Variants in CUX2 observed in about 807,000 individuals in gnomAD.
CUX2 encodes homeobox protein cut-like 2.
Under a neutral mutation model 144.8 loss-of-function variants are expected in CUX2, and 40 were observed. The ratio of observed to expected loss-of-function variants is 0.28; its 90% CI spans 0.21 to 0.36. The LOEUF (loss-of-function observed/expected upper bound fraction) is 0.36. Ranked by LOEUF, CUX2 falls within the 10% of genes least tolerant of loss-of-function variation. The probability of loss-of-function intolerance (pLI) is 1.00; values close to 1 mark genes in which losing one functional copy is unlikely to be tolerated. For synonymous variants in CUX2, 827 were observed against 875.6 expected (o/e 0.94, Z 0.98); for missense variants, 1,615 against 1,994.0 (o/e 0.81, Z 3.62).
intron 1 of CUX2, among the ~76,000 whole-genome samples, chr12:111,113,806 C>T (rs1007993991): frequency 6.6e-6 from 1 of 152,224 alleles, no homozygotes; most frequent in Non-Finnish European, 1.5e-5. Context: ...ATCCACCTAC[C>T]TCAGCTTCCC....
rs1886827789 is a variant in CUX2, at chr12:111,310,308, C to A, written c.1526C>A (p.Pro509Gln). ...GEAGGLLVFPPAFYGAKPPTA... is the reference protein window; with the variant it reads ...GEAGGLLVFPQAFYGAKPPTA... Reference sequence around the variant, plus strand: ...GCGGGCGGCCTGCTGGTGTTCCCCCCAGCCTTCTATGGCGCCAAGCCCCCC... The same window carrying A: ...GCGGGCGGCCTGCTGGTGTTCCCCCAAGCCTTCTATGGCGCCAAGCCCCCC... Residue 509 changes from proline (P) to glutamine (Q), a missense_variant, in exon 15 of 22, where the codon CCA becomes CAA. Physicochemically the swap from Pro to Gln is moderately conservative, Grantham distance 76 (BLOSUM62 -1). Transcript: ENST00000261726. This position sits in a 1 kb window ranked among gnomAD's most constrained non-coding sequence, Gnocchi z 7.9. The A allele has an allele frequency of 2.0e-6, 3 of 1,503,382 alleles. No individual in the cohort carries two copies. Among genetic ancestry groups the A allele is most frequent in the South Asian group, 2.7e-5 (2 of 75,314 alleles). 93.1% of individuals were successfully genotyped at this position (1,503,382 alleles called of 1,614,324 possible). A position where few individuals can be genotyped will look rare whatever the true frequency, so the allele number is the denominator to read the frequency against.
At chr12:111,212,183 T>G (rs1243132854) in intron 1 of CUX2, among the ~76,000 whole-genome samples, 3 of 152,314 alleles carry the variant, frequency 2.0e-5, no homozygotes, top group Admixed American at 1.3e-4. Flanking sequence ...TGTGGTCAGT[T>G]GTAGTTTCTG....
intron 1 of CUX2, among the ~76,000 whole-genome samples, chr12:111,043,457 G>T (rs945159177): frequency 6.6e-6 from 1 of 152,140 alleles, no homozygotes; most frequent in Non-Finnish European, 1.5e-5. Context: ...AGGTTACTGG[G>T]CCTGTCTCAT....
In CUX2 at chr12:111,190,496, C is replaced by G. The variant is rs372199131; in HGVS notation, c.64-23704C>G. On this transcript the variant is annotated intron_variant, in intron 1 of 21. Transcript: ENST00000261726. The surrounding 1 kb of genome is among the most constrained non-coding windows in gnomAD (Gnocchi z 4.0). ...CCTCCACCTAGCCTGGCCCCACTATCTAAGCTGCTCAAGCCAGGGTGTCCA... is the reference window on the plus strand; with the variant it reads ...CCTCCACCTAGCCTGGCCCCACTATGTAAGCTGCTCAAGCCAGGGTGTCCA... Among the ~76,000 whole-genome samples, 1 of 152,214 alleles carries G rather than the reference C, an allele frequency of 6.6e-6. No homozygotes were observed. Among genetic ancestry groups the G allele is most frequent in the South Asian group, 2.1e-4 (1 of 4,830 alleles).
intron 8 of CUX2, 76 bp from the exon 9 acceptor site, chr12:111,298,465 G>A (rs1886124611): frequency 1.4e-6 from 2 of 1,478,044 alleles, no homozygotes; most frequent in Non-Finnish European, 1.8e-6. Flanking sequence ...TCAGGCAGGG[G>A]CTGGGGGTGT....
Position 111,334,711 on chromosome 12 carries a change from G to A in CUX2, c.3196+1G>A. On this transcript the variant is annotated splice_donor_variant, in intron 19 of 21. Transcript: ENST00000261726. LOFTEE classifies it high-confidence loss of function. ...GAGGTCCTCACAGACAACAATCTAG[G>A]TACGGAGCGGGTGGGAATCGGAGAG... The A allele has an allele frequency of 1.9e-6, 3 of 1,597,852 alleles. No individual in the cohort carries two copies. Among genetic ancestry groups the A allele is most frequent in the Non-Finnish European group, 2.6e-6 (3 of 1,170,526 alleles).
chr12:111,276,068 T>G (rs1884858097), intron 4 of CUX2, among the ~76,000 whole-genome samples: 1 of 152,070 alleles, frequency 6.6e-6, no homozygotes, highest in East Asian at 1.9e-4. Flanking sequence ...AAAAAGTGAG[T>G]CAGCCCGGGC....
At chr12:111,213,457 C>T (rs948179812) in intron 1 of CUX2, among the ~76,000 whole-genome samples, 8 of 152,158 alleles carry the variant, frequency 5.3e-5, no homozygotes, top group Admixed American at 2.0e-4. Context: ...CTTTTTCCCT[C>T]GCTGGTACAT....
At chr12:111,267,070 C>T (rs1176355058) in intron 4 of CUX2, among the ~76,000 whole-genome samples, 7 of 151,956 alleles carry the variant, frequency 4.6e-5, no homozygotes, top group East Asian at 1.9e-4. Flanking sequence ...TGGTCGTGGG[C>T]GCCTGTGGTC....
intron 18 of CUX2, among the ~76,000 whole-genome samples, chr12:111,329,945 G>T (rs116540160): frequency 9.2e-5 from 14 of 152,208 alleles, no homozygotes; most frequent in African/African-American, 3.4e-4. Flanking sequence ...CCCAAAGACC[G>T]TCAGTTTTCC....
At chr12:111,197,883 T>C (rs559219774) in intron 1 of CUX2, among the ~76,000 whole-genome samples, 4 of 152,310 alleles carry the variant, frequency 2.6e-5, no homozygotes, top group African/African-American at 9.6e-5. Context: ...AACATCAGGA[T>C]GTGCTCACTT....
intron 1 of CUX2, among the ~76,000 whole-genome samples, chr12:111,185,580 C>A (rs757641617): frequency 1.3e-5 from 2 of 152,194 alleles, no homozygotes; most frequent in Non-Finnish European, 2.9e-5. Flanking sequence ...TGTGCTAGGC[C>A]CAGAGCCCTT....
intron 1 of CUX2, among the ~76,000 whole-genome samples, chr12:111,058,575 GAC>G (rs1270427083): frequency 6.6e-6 from 1 of 152,210 alleles, no homozygotes; most frequent in Admixed American, 6.5e-5. Flanking sequence ...GAGACAGACA[GAC>G]AGAGAGAGAG....
Position 111,220,743 on chromosome 12 carries a change from C to CAA in CUX2, c.222+2842_222+2843dup, listed in dbSNP as rs549438290. On this transcript the variant is annotated intron_variant, in intron 3 of 21. Transcript: ENST00000261726. ...GCAATATAATGAGACCTCATCTCTG[C>CAA]AAAAAAAAAAAAAAAAAAAAAAAAA... Among the ~76,000 whole-genome samples, 101 of 39,132 alleles carry CAA rather than the reference C, an allele frequency of 2.6e-3. 18 individuals are homozygous for CAA. The East Asian group carries it at 0.071, about 27-fold the overall frequency. 25.7% of individuals were successfully genotyped at this position (39,132 alleles called of 152,430 possible).
At chr12:111,081,014 A>G (rs377046555) in intron 1 of CUX2, among the ~76,000 whole-genome samples, 2 of 152,310 alleles carry the variant, frequency 1.3e-5, no homozygotes. Context: ...TATTCAATAC[A>G]TAGGAGCTCT....
At chr12:111,091,413 G>A (rs1479740946) in intron 1 of CUX2, among the ~76,000 whole-genome samples, 1 of 152,166 alleles carries the variant, frequency 6.6e-6, no homozygotes, top group East Asian at 1.9e-4. Flanking sequence ...CAACCGGGCA[G>A]CGTTCACTCC....
At chr12:111,221,436 C>T (rs1040166169) in intron 3 of CUX2, among the ~76,000 whole-genome samples, 2 of 152,146 alleles carry the variant, frequency 1.3e-5, no homozygotes, top group African/African-American at 2.4e-5. Context: ...TCCTTTATGC[C>T]GCTGTCCTCT....
chr12:111,324,948 A>G (rs73418752), intron 18 of CUX2, among the ~76,000 whole-genome samples: 4,290 of 152,218 alleles, frequency 0.028, 134 homozygotes, highest in African/African-American at 0.076. Flanking sequence ...TATAAATACA[A>G]TGATTTAAAA....
At chr12:111,159,040 C>T (rs1463151479) in intron 1 of CUX2, among the ~76,000 whole-genome samples, 1 of 152,200 alleles carries the variant, frequency 6.6e-6, no homozygotes, top group Non-Finnish European at 1.5e-5. Flanking sequence ...GTGTGGACCC[C>T]CATTTCTCAA....
Sources: gnomAD v4.1 joint callset for allele counts (sites outside exome capture counted in the v4.1 genomes callset) on GRCh38, gnomAD v4.1.1 for gene constraint, Gnocchi (gnomAD v3.1) non-coding constraint, MANE v1.5 for transcripts, NCBI Gene and HGNC (gene_info 2026-07-23, HGNC 2026-07-21) for gene names.